USP37: variants seen among roughly 807,000 people sequenced by gnomAD.
USP37 encodes ubiquitin specific peptidase 37, also known as ubiquitin carboxyl-terminal hydrolase 37.
Under a neutral mutation model 124.0 loss-of-function variants are expected in USP37, and 27 were observed. The observed-to-expected ratio is 0.22, with a 90% CI of 0.16 to 0.30. USP37 has a LOEUF of 0.30. USP37 is among the 10% of genes least tolerant of loss of function. The pLI is 1.00. For missense variants in USP37, 889 were observed against 1,140.4 expected, an observed-to-expected ratio of 0.78 and a Z score of 3.17; for synonymous variants, 365 against 388.0, an observed-to-expected ratio of 0.94 and a Z score of 0.70.
chr2:218,534,812 T>C (rs370578151), intron 8 of USP37, 106 bp from the exon 9 acceptor site: 12 of 578,576 alleles, frequency 2.1e-5, no homozygotes, highest in African/African-American at 1.6e-4. Flanking sequence ...GCCAAATTCA[T>C]TGATATGCTT....
intron 8 of USP37, among the ~76,000 whole-genome samples, chr2:218,535,699 A>G (rs1315827194): frequency 6.6e-6 from 1 of 152,074 alleles, no homozygotes; most frequent in Non-Finnish European, 1.5e-5. Flanking sequence ...TACTAAAAAT[A>G]CAATAATTAG....
At chr2:218,512,489 CAGAG>C (rs1225739242) in intron 10 of USP37, among the ~76,000 whole-genome samples, 1 of 151,904 alleles carries the variant, frequency 6.6e-6, no homozygotes, top group African/African-American at 2.4e-5. Context: ...GCCTGAGGGA[CAGAG>C]AGAGACGCTG....
intron 10 of USP37, among the ~76,000 whole-genome samples, chr2:218,510,671 A>G (rs1266457229): frequency 6.6e-6 from 1 of 152,180 alleles, no homozygotes; most frequent in Admixed American, 6.5e-5. Flanking sequence ...CCATCGCCTC[A>G]TATGTTTACA....
intron 1 of USP37, among the ~76,000 whole-genome samples, chr2:218,564,379 C>T (rs1411273558): frequency 6.6e-6 from 1 of 152,156 alleles, no homozygotes; most frequent in African/African-American, 2.4e-5. Context: ...GATGAGGAAA[C>T]TGAGGTTTAG....
intron 10 of USP37, among the ~76,000 whole-genome samples, chr2:218,515,124 A>G (rs1690202107): frequency 6.6e-6 from 1 of 152,156 alleles, no homozygotes; most frequent in Non-Finnish European, 1.5e-5. Context: ...TGTACTGAAT[A>G]ATGGTATTTA....
chr2:218,510,057 A>T lies in USP37; in HGVS notation c.947T>A (p.Leu316Gln). The change falls in exon 11 of 26, where the codon CTG (leucine) becomes CAG (glutamine). Residue 316 changes from leucine (L) to glutamine (Q), a missense_variant. Physicochemically the swap from Leu to Gln is moderately radical, Grantham distance 113 (BLOSUM62 -2). Around this residue, in one of 3 missense-constraint regions of USP37, gnomAD observed 374 missense variants for 386.0 expected, o/e 0.97. Transcript: ENST00000258399. ...GCCAGTGTAATCCTGGTTACACCTC[A>T]GTTTTTTAACAGAAAGAGGAACTGG... ...PQPVPLSVKKLRCNQDYTGWN... is the reference protein window; with the variant it reads ...PQPVPLSVKKQRCNQDYTGWN... The T allele has an allele frequency of 6.2e-7, 1 of 1,613,328 alleles. No homozygotes were observed. Among genetic ancestry groups the T allele is most frequent in the Non-Finnish European group, 8.5e-7 (1 of 1,179,832 alleles).
intron 15 of USP37, 104 bp from the exon 16 acceptor site, chr2:218,485,847 C>A: frequency 1.6e-6 from 2 of 1,260,226 alleles, no homozygotes. Context: ...GGAATGACAA[C>A]TCTGAACCAG....
At chr2:218,546,687 G>T (rs1289096681) in intron 7 of USP37, among the ~76,000 whole-genome samples, 1 of 152,096 alleles carries the variant, frequency 6.6e-6, no homozygotes, top group Non-Finnish European at 1.5e-5. Context: ...CCAAAGTGTT[G>T]GGATTACAGG....
chr2:218,530,630 T>C (rs1483867555), intron 9 of USP37, among the ~76,000 whole-genome samples: 1 of 152,146 alleles, frequency 6.6e-6, no homozygotes, highest in Non-Finnish European at 1.5e-5. Context: ...CATCTCCTTT[T>C]AAATAAAAAT....
At chr2:218,477,090 CA>C in intron 18 of USP37, 109 bp from the exon 19 acceptor site, 1 of 1,245,386 alleles carries the variant, frequency 8.0e-7, no homozygotes, top group Non-Finnish European at 1.1e-6. Flanking sequence ...AATTACTTAA[CA>C]GAAAAAAAAG....
At chr2:218,520,622 G>A (rs770316687) in intron 10 of USP37, among the ~76,000 whole-genome samples, 5 of 152,096 alleles carry the variant, frequency 3.3e-5, no homozygotes, top group Non-Finnish European at 5.9e-5. Context: ...AAAGTACTGG[G>A]ATTACAGGTG....
At position 218,568,317 on chromosome 2, in the gene USP37, G is replaced by A. The variant is rs1036809683; in HGVS notation, c.-369C>T. The A allele has an allele frequency of 5.2e-5, 8 of 152,830 alleles. No individual in the cohort carries two copies. Among genetic ancestry groups the A allele is most frequent in the African/African-American group, 1.4e-4 (6 of 41,570 alleles). The allele number at this position is 152,830 out of a possible 1,614,324, so 9.5% of individuals were successfully genotyped here. A position where few individuals can be genotyped will look rare whatever the true frequency, so the allele number is the denominator to read the frequency against. ...CGCTAGCTACCCCTAGTCAGGGAGA[G>A]CGGCTGATGGCGGGAACTGTGACCA... On this transcript the variant is annotated 5_prime_UTR_variant, in exon 1 of 26. Coordinates refer to ENST00000258399, the MANE Select transcript of USP37 (RefSeq NM_020935.3).
chr2:218,542,426 C>A (rs1692035184), intron 8 of USP37, among the ~76,000 whole-genome samples: 1 of 152,168 alleles, frequency 6.6e-6, no homozygotes, highest in South Asian at 2.1e-4. Flanking sequence ...GTGTACCTCC[C>A]TGATGTGCAG....
intron 14 of USP37, among the ~76,000 whole-genome samples, chr2:218,492,704 G>GT (rs2105985242): frequency 6.6e-6 from 1 of 152,262 alleles, no homozygotes; most frequent in African/African-American, 2.4e-5. Flanking sequence ...GAGATGTCAG[G>GT]TTTGAGAAAA....
chr2:218,461,305 G>A (rs532873604), intron 22 of USP37, among the ~76,000 whole-genome samples: 12 of 151,572 alleles, frequency 7.9e-5, no homozygotes, highest in Admixed American at 7.2e-4. Context: ...GTCAGGAGCT[G>A]GAGACCAGCC....
intron 16 of USP37, among the ~76,000 whole-genome samples, chr2:218,483,572 T>G (rs1691375879): frequency 6.7e-6 from 1 of 149,752 alleles, no homozygotes; most frequent in Non-Finnish European, 1.5e-5. Context: ...AAATTAACCT[T>G]TAACACAAGT....
chr2:218,529,865 A>C, intron 10 of USP37, 91 bp downstream of exon 10: 1 of 945,598 alleles, frequency 1.1e-6, no homozygotes, highest in Non-Finnish European at 1.6e-6. Context: ...ATATTCACTT[A>C]AGAGGATAAT....
intron 14 of USP37, among the ~76,000 whole-genome samples, chr2:218,490,925 G>C (rs973642061): frequency 1.3e-5 from 2 of 152,228 alleles, no homozygotes; most frequent in Non-Finnish European, 2.9e-5. Flanking sequence ...CCAGGCTGGA[G>C]AGCAGTGGCC....
chr2:218,456,461 GAAAAAAA>G (rs570569201), intron 24 of USP37, among the ~76,000 whole-genome samples: 3 of 115,904 alleles, frequency 2.6e-5, no homozygotes, highest in African/African-American at 6.4e-5. Context: ...CCTGTCTCTT[GAAAAAAA>G]AAAAAAGAAA....
Sources: gnomAD v4.1 joint callset for allele counts (sites outside exome capture counted in the v4.1 genomes callset) on GRCh38, gnomAD v4.1.1 for gene constraint, gnomAD v4.1.1 regional missense constraint, MANE v1.5 for transcripts, NCBI Gene and HGNC (gene_info 2026-07-23, HGNC 2026-07-21) for gene names.